SGPP2: variants seen among roughly 807,000 people sequenced by gnomAD.
SGPP2 encodes sphingosine 1-phosphate phosphohydrolase 2.
In SGPP2, 30 loss-of-function variants were observed where a neutral mutation model predicts 33.9. The observed-to-expected ratio is 0.89, with a 90% CI of 0.66 to 1.20. SGPP2 has a LOEUF of 1.20. Among genes scored for constraint, SGPP2 ranks in the 50% most tolerant of loss-of-function variants. SGPP2 has a pLI of 0.00. For synonymous variants in SGPP2, 233 were observed against 225.0 expected (o/e 1.04, Z -0.32); for missense variants, 458 against 532.1 (o/e 0.86, Z 1.37).
Position 222,525,056 on chromosome 2 carries a change from TGTG to T in SGPP2, c.648+27_648+29del, listed in dbSNP as rs202026715. 9.1e-4 allele frequency: 1,437 copies of T among 1,572,334 alleles called. 16 individuals are homozygous for T. The Admixed American group carries it at 0.019, about 21-fold the overall frequency. ...CTGGTAAGGCTTTGTGGTCAGGTCT[TGTG>T]GTGATTGTTTGAATGATATTGTGGT... On this transcript the variant is annotated intron_variant, in intron 4 of 4. Transcript: ENST00000321276.
Position 222,559,028 on chromosome 2 carries a change from C to T in SGPP2, c.*130C>T. ...AAGTCATACGGCTGTCTTGCTACTA[C>T]CAGATAAATGATGCTGCTGTGTGAA... On this transcript the variant is annotated 3_prime_UTR_variant, in exon 5 of 5. Transcript: ENST00000321276. The T allele has an allele frequency of 8.5e-6, 7 of 820,326 alleles. No individual in the cohort carries two copies. The highest frequency in any genetic ancestry group is 5.5e-5 in the South Asian group (3 of 54,972). The allele number at this position is 820,326 out of a possible 1,614,324, so 50.8% of individuals were successfully genotyped here. A position where few individuals can be genotyped will look rare whatever the true frequency, so the allele number is the denominator to read the frequency against.
intron 1 of SGPP2, among the ~76,000 whole-genome samples, chr2:222,454,746 A>C (rs963729473): frequency 2.0e-5 from 3 of 152,120 alleles, no homozygotes; most frequent in South Asian, 2.1e-4. Context: ...AAAAAAAAAA[A>C]AAAACAGGCC....
At chr2:222,430,331 G>A (rs1161282992) in intron 1 of SGPP2, among the ~76,000 whole-genome samples, 1 of 152,164 alleles carries the variant, frequency 6.6e-6, no homozygotes, top group Non-Finnish European at 1.5e-5. Context: ...CAGAGTGTCA[G>A]CAGGAAATAG....
At chr2:222,431,219 C>T (rs1052433169) in intron 1 of SGPP2, among the ~76,000 whole-genome samples, 21 of 151,464 alleles carry the variant, frequency 1.4e-4, no homozygotes, top group African/African-American at 3.6e-4. Context: ...TTAGGCCAGG[C>T]ATGGTGGCTC....
chr2:222,489,434 G>T (rs2009150), intron 2 of SGPP2, among the ~76,000 whole-genome samples: 25,699 of 151,746 alleles, frequency 0.17, 2,564 homozygotes, highest in East Asian at 0.5. Context: ...AAAAGATCAG[G>T]GCTCATTGAC....
intron 2 of SGPP2, among the ~76,000 whole-genome samples, chr2:222,482,666 A>C (rs1043868151): frequency 6.6e-6 from 1 of 152,100 alleles, no homozygotes; most frequent in Non-Finnish European, 1.5e-5. Context: ...GGCATGGGTC[A>C]CCCCTCAACT....
intron 2 of SGPP2, among the ~76,000 whole-genome samples, chr2:222,500,396 G>A (rs978853456): frequency 6.6e-6 from 1 of 152,134 alleles, no homozygotes; most frequent in African/African-American, 2.4e-5. Flanking sequence ...GGAGTAAGTG[G>A]GGGTATTGTT....
intron 1 of SGPP2, among the ~76,000 whole-genome samples, chr2:222,428,055 G>C (rs1286272189): frequency 6.6e-6 from 1 of 152,214 alleles, no homozygotes; most frequent in East Asian, 1.9e-4. Flanking sequence ...CAGATCTTTT[G>C]ACTCCCAAGT....
At chr2:222,527,638 A>G (rs1280419745) in intron 4 of SGPP2, among the ~76,000 whole-genome samples, 1 of 152,230 alleles carries the variant, frequency 6.6e-6, no homozygotes, top group Admixed American at 6.5e-5. Flanking sequence ...AAGAGGCCAC[A>G]GCAACCATTG....
intron 4 of SGPP2, among the ~76,000 whole-genome samples, chr2:222,528,279 C>T (rs965582030): frequency 1.3e-5 from 2 of 152,138 alleles, no homozygotes; most frequent in Non-Finnish European, 2.9e-5. Context: ...ACATCCAGGC[C>T]TAACTCAGAA....
chr2:222,423,989 G>A (rs533318168), upstream of SGPP2, among the ~76,000 whole-genome samples: 58 of 152,248 alleles, frequency 3.8e-4, no homozygotes, highest in African/African-American at 1.2e-3. Context: ...CGGACCTCTA[G>A]GGAGACGTTG....
chr2:222,499,359 C>T (rs549785774), intron 2 of SGPP2, among the ~76,000 whole-genome samples: 2 of 152,310 alleles, frequency 1.3e-5, no homozygotes, highest in African/African-American at 2.4e-5. Flanking sequence ...AAATCAATGG[C>T]TCCCTGCTTT....
intron 2 of SGPP2, among the ~76,000 whole-genome samples, chr2:222,498,726 A>C (rs527984889): frequency 6.6e-6 from 1 of 152,302 alleles, no homozygotes; most frequent in East Asian, 1.9e-4. Flanking sequence ...CAGGGTATAA[A>C]GTTGTGTGAA....
rs1698433136 is a variant in SGPP2 at position 222,505,688 on chromosome 2, C to A, written c.379-16079C>A. On this transcript the variant is annotated intron_variant, in intron 2 of 4. Coordinates refer to ENST00000321276, the MANE Select transcript of SGPP2 (RefSeq NM_152386.4). ...GTGGCTCACACCTGTAATCCCAGCACTTTGGTAGGCTGAGGAGGGTAGATT... is the reference window on the plus strand; with the variant it reads ...GTGGCTCACACCTGTAATCCCAGCAATTTGGTAGGCTGAGGAGGGTAGATT... Among the ~76,000 whole-genome samples, 3 of 152,016 alleles carry A rather than the reference C, an allele frequency of 2.0e-5. No individual in the cohort carries two copies. The South Asian group carries it at 6.2e-4, about 32-fold the overall frequency.
chr2:222,461,536 T>A (rs1348625987), intron 1 of SGPP2, among the ~76,000 whole-genome samples: 1 of 152,046 alleles, frequency 6.6e-6, no homozygotes, highest in African/African-American at 2.4e-5. Context: ...TATAATGAAA[T>A]AATTATACAA....
chr2:222,498,291 A>G (rs1023411619), intron 2 of SGPP2: 3 of 152,202 alleles, frequency 2.0e-5, no homozygotes, highest in East Asian at 1.9e-4. Context: ...ATTAATTACT[A>G]TGATCACTTC....
chr2:222,549,513 T>G (rs1689255297), intron 4 of SGPP2, among the ~76,000 whole-genome samples: 1 of 152,232 alleles, frequency 6.6e-6, no homozygotes, highest in African/African-American at 2.4e-5. Flanking sequence ...AGCATTTACT[T>G]TTAAAATTTG....
chr2:222,437,474 C>T (rs1331904400), intron 1 of SGPP2, among the ~76,000 whole-genome samples: 1 of 152,208 alleles, frequency 6.6e-6, no homozygotes, highest in Non-Finnish European at 1.5e-5. Context: ...CCCTAGTCTT[C>T]TCTTCCTCTG....
intron 4 of SGPP2, among the ~76,000 whole-genome samples, chr2:222,537,610 T>C (rs1698934352): frequency 6.6e-6 from 1 of 152,192 alleles, no homozygotes; most frequent in South Asian, 2.1e-4. Context: ...AAAGGAACAT[T>C]CTCATTAAGG....
Sources: gnomAD v4.1 joint callset for allele counts (sites outside exome capture counted in the v4.1 genomes callset) on GRCh38, gnomAD v4.1.1 for gene constraint, MANE v1.5 for transcripts, NCBI Gene and HGNC (gene_info 2026-07-23, HGNC 2026-07-21) for gene names.